RASAL3: variants seen among roughly 807,000 people sequenced by gnomAD.
RASAL3 encodes the protein RAS protein activator like 3, also known as RAS protein activator like-3.
Under a neutral mutation model 105.5 loss-of-function variants are expected in RASAL3, and 74 were observed. The ratio of observed to expected loss-of-function variants is 0.70; its 90% CI spans 0.58 to 0.85. The LOEUF is 0.85. Among genes scored for constraint, RASAL3 ranks in the 40% least tolerant of loss-of-function variants. The pLI is 0.00. For missense variants in RASAL3, 1,352 were observed against 1,392.0 expected (o/e 0.97, Z 0.46); for synonymous variants, 579 against 591.6 (o/e 0.98, Z 0.31).
rs750415640 is a variant in RASAL3, at chr19:15,456,106, G to A, written c.1719C>T (p.Tyr573=). ...GCTGCTGGGGCCCTGATTCTCACTC[G>A]TAGGAATGGATAATGGTTTCGAAGA... ...EEVFETIIHS[Y]DWFPAELGIV... Residue 573 remains tyrosine, a splice_region_variant and synonymous_variant, in exon 11 of 18, where the codon TAC becomes TAT. Coordinates refer to ENST00000343625, the MANE Select transcript of RASAL3 (RefSeq NM_022904.3). This position sits in a 1 kb window ranked among gnomAD's most constrained non-coding sequence, Gnocchi z 4.4. 2 of 1,613,242 alleles carry A rather than the reference G, an allele frequency of 1.2e-6. No individual in the cohort carries two copies. Among genetic ancestry groups the A allele is most frequent in the Non-Finnish European group, 1.7e-6 (2 of 1,179,420 alleles).
chr19:15,452,577 G>GT, intron 16 of RASAL3, 81 bp downstream of exon 16: 10 of 228,058 alleles, frequency 4.4e-5, no homozygotes, highest in East Asian at 7.9e-5. Flanking sequence ...GCGTGGTTTG[G>GT]GGGGGGGGGG....
intron 6 of RASAL3, 118 bp from the exon 7 acceptor site, chr19:15,458,773 C>A (rs1279528922): frequency 7.7e-7 from 1 of 1,302,948 alleles, no homozygotes; most frequent in East Asian, 2.6e-5. Context: ...GTTTCTCCCC[C>A]GTGCCCCCCC....
Position 15,453,104 on chromosome 19 carries a change from T to A in RASAL3, c.2670+3A>T, listed in dbSNP as rs1433649631. Reference sequence around the variant, plus strand: ...CCAGGCGCGGACCTGGGCCTGACCTTACCTTGTTCACAGGTCGGTGCGTGC... The same window carrying A: ...CCAGGCGCGGACCTGGGCCTGACCTAACCTTGTTCACAGGTCGGTGCGTGC... On this transcript the variant is annotated splice_donor_region_variant and intron_variant, in intron 15 of 17. Transcript: ENST00000343625. This position sits in a 1 kb window ranked among gnomAD's most constrained non-coding sequence, Gnocchi z 4.2. 6.2e-7 allele frequency: 1 copy of A among 1,613,430 alleles called. No homozygotes were observed. Among genetic ancestry groups the A allele is most frequent in the Admixed American group, 1.7e-5 (1 of 60,002 alleles).
chr19:15,458,309 C>A lies in RASAL3; in HGVS notation c.888+19G>T, dbSNP rs529715329. The A allele has an allele frequency of 6.2e-7, 1 of 1,609,914 alleles. No homozygotes were observed. Among genetic ancestry groups the A allele is most frequent in the South Asian group, 1.1e-5 (1 of 90,372 alleles). ...CTGTGGGCGGGGTCTCCGTGTCCCG[C>A]TTTTCTGAGGGCAATGACCTGGGTG... On this transcript the variant is annotated intron_variant, in intron 8 of 17. Transcript: ENST00000343625.
chr19:15,458,666 G>T lies in RASAL3; in HGVS notation c.663-11C>A. On this transcript the variant is annotated splice_polypyrimidine_tract_variant and intron_variant, in intron 6 of 17. Coordinates refer to ENST00000343625, the MANE Select transcript of RASAL3 (RefSeq NM_022904.3). ...AGAGCACTGGGGGGTCTGGGAAGGG[G>T]GTGGGTGAGCACACCGTCATTCCTG... 1 of 1,611,492 alleles carries T rather than the reference G, an allele frequency of 6.2e-7. No homozygotes were observed. The highest frequency in any genetic ancestry group is 8.5e-7 in the Non-Finnish European group (1 of 1,179,058).
chr19:15,461,599 G>T lies in RASAL3; in HGVS notation c.337C>A (p.Pro113Thr), dbSNP rs746425424. 5.2e-6 allele frequency: 8 copies of T among 1,530,424 alleles called. No individual in the cohort carries two copies. The African/African-American group carries it at 1.1e-4, about 21-fold the overall frequency. 94.8% of individuals were successfully genotyped at this position (1,530,424 alleles called of 1,614,324 possible). A position where few individuals can be genotyped will look rare whatever the true frequency, so the allele number is the denominator to read the frequency against. ...GTAGGGGGCTCCAGCTCTGGCTCCG[G>T]CTCCAGCTCTGGGAAGAAGAGGAGG... Reference protein sequence around the residue: ...EPEQEAPELEPEPELEPPTPQ... With the variant: ...EPEQEAPELETEPELEPPTPQ... Residue 113 changes from proline (P) to threonine (T), a missense_variant, in exon 3 of 18, where the codon CCG becomes ACG. Physicochemically the swap from Pro to Thr is conservative, Grantham distance 38. This residue lies in a region of RASAL3 where 344 missense variants were observed against 339.6 expected (regional missense o/e 1.01). Transcript: ENST00000343625.
At chr19:15,458,272 G>A in intron 8 of RASAL3, 56 bp downstream of exon 8, 1 of 1,524,000 alleles carries the variant, frequency 6.6e-7, no homozygotes, top group Non-Finnish European at 9.0e-7. Flanking sequence ...GAGTGGAAGG[G>A]GCGGGCCAGG....
chr19:15,452,565 A>G (rs1486625362), intron 16 of RASAL3, 93 bp downstream of exon 16: 2 of 907,312 alleles, frequency 2.2e-6, no homozygotes, highest in East Asian at 7.5e-5. Flanking sequence ...TGGCCGTGCT[A>G]GGCGTGGTTT....
At position 15,454,896 on chromosome 19, in the gene RASAL3, G is replaced by T. The variant is rs780280374; in HGVS notation, c.1722-3C>A. On this transcript the variant is annotated splice_polypyrimidine_tract_variant and splice_region_variant and intron_variant, in intron 11 of 17. Transcript: ENST00000343625. ...TGCCCAGCTCCGCAGGGAACCAGCT[G>T]GTGCAGAAGAGGCAATGAATGGTCA... 1.3e-6 allele frequency: 2 copies of T among 1,545,306 alleles called. No individual in the cohort carries two copies. Among genetic ancestry groups the T allele is most frequent in the South Asian group, 2.4e-5 (2 of 83,766 alleles).
Position 15,451,768 on chromosome 19 carries a change from C to A in RASAL3, c.*27G>T. The stretch of plus-strand genomic sequence containing the variant: ...GATGGCTATCTCTCTGCTCCCAGAC[C>A]ACGTGTGATGAGGCAGGATGGGCAG... On this transcript the variant is annotated 3_prime_UTR_variant, in exon 18 of 18. Coordinates refer to ENST00000343625, the MANE Select transcript of RASAL3 (RefSeq NM_022904.3). 6.4e-7 allele frequency: 1 copy of A among 1,572,606 alleles called. No homozygotes were observed.
chr19:15,460,109 G>T, intron 6 of RASAL3, 94 bp downstream of exon 6: 6 of 1,046,050 alleles, frequency 5.7e-6, no homozygotes, highest in Non-Finnish European at 8.5e-6. Flanking sequence ...AGGCCACAGG[G>T]GGTGTTTGGT....
Position 15,452,784 on chromosome 19 carries a change from A to C in RASAL3, c.2702T>G (p.Leu901Arg). 6.4e-7 allele frequency: 1 copy of C among 1,564,366 alleles called. No individual in the cohort carries two copies. Among genetic ancestry groups the C allele is most frequent in the Non-Finnish European group, 8.7e-7 (1 of 1,153,996 alleles). ...GGACAGCACTTTCTGCTCCTCACGC[A>C]GAGCGGCCACCTCGCACTGCAGCTC... Reference protein sequence around the residue: ...LAELQCEVAALREEQKVLSRL... With the variant: ...LAELQCEVAARREEQKVLSRL... Residue 901 changes from leucine to arginine, a missense_variant, in exon 16 of 18, where the codon CTG (leucine) becomes CGG (arginine). Leu to Arg is a moderately radical substitution (Grantham distance 102). Transcript: ENST00000343625.
Position 15,456,488 on chromosome 19 carries a change from C to G in RASAL3, c.1576+14G>C. 1 of 1,613,296 alleles carries G rather than the reference C, an allele frequency of 6.2e-7. No individual in the cohort carries two copies. On this transcript the variant is annotated intron_variant, in intron 10 of 17. Coordinates refer to ENST00000343625, the MANE Select transcript of RASAL3 (RefSeq NM_022904.3). This position sits in a 1 kb window ranked among gnomAD's most constrained non-coding sequence, Gnocchi z 4.4. ...CACCAGCAGGCCGCTGACATGGACT[C>G]TCCCCCAGCTCACCCAGGGTCTCCT...
Position 15,458,681 on chromosome 19 carries a change from C to G in RASAL3, c.663-26G>C, listed in dbSNP as rs754994747. The stretch of plus-strand genomic sequence containing the variant: ...CTGGGAAGGGGGTGGGTGAGCACAC[C>G]GTCATTCCTGCCTCTTCCCCATCCC... On this transcript the variant is annotated intron_variant, in intron 6 of 17. Coordinates refer to ENST00000343625, the MANE Select transcript of RASAL3 (RefSeq NM_022904.3). 5 of 1,606,342 alleles carry G rather than the reference C, an allele frequency of 3.1e-6. No homozygotes were observed. The East Asian group carries it at 6.7e-5, about 22-fold the overall frequency.
intron 5 of RASAL3, 127 bp from the exon 6 acceptor site, chr19:15,460,385 G>T: frequency 1.2e-6 from 1 of 813,030 alleles, no homozygotes; most frequent in Non-Finnish European, 2.0e-6. Flanking sequence ...GTATTAGCAG[G>T]AATAATAAGA....
Position 15,457,541 on chromosome 19 carries a change from G to A in RASAL3, c.1182C>T (p.Arg394=). 8.8e-7 allele frequency: 1 copy of A among 1,141,914 alleles called. No homozygotes were observed. Among genetic ancestry groups the A allele is most frequent in the Non-Finnish European group, 1.1e-6 (1 of 927,386 alleles). The allele number at this position is 1,141,914 out of a possible 1,614,324, so 70.7% of individuals were successfully genotyped here. The part of the protein sequence containing the change: ...ALALEELDAP[R]APAAGLERWF... ...AGCGCTCCAGACCGGCGGCAGGCGC[G>A]CGTGGGGCGTCCAGCTCCTCCAGCG... The change falls in exon 9 of 18, where the codon CGC becomes CGT. Residue 394 remains arginine, a synonymous_variant. Coordinates refer to ENST00000343625, the MANE Select transcript of RASAL3 (RefSeq NM_022904.3). This position sits in a 1 kb window ranked among gnomAD's most constrained non-coding sequence, Gnocchi z 8.6.
chr19:15,456,373 C>A lies in RASAL3; in HGVS notation c.1577-125G>T. ...AACATCTTGGGGAGCTCCCAATTGT[C>A]CCCAGGATCCTAGCACCCCCAAAAC... On this transcript the variant is annotated intron_variant, in intron 10 of 17. Transcript: ENST00000343625. The surrounding 1 kb of genome is among the most constrained non-coding windows in gnomAD (Gnocchi z 4.4). 1 of 1,521,062 alleles carries A rather than the reference C, an allele frequency of 6.6e-7. No homozygotes were observed. The highest frequency in any genetic ancestry group is 8.9e-7 in the Non-Finnish European group (1 of 1,125,196). 94.2% of individuals were successfully genotyped at this position (1,521,062 alleles called of 1,614,324 possible). A position where few individuals can be genotyped will look rare whatever the true frequency, so the allele number is the denominator to read the frequency against.
Position 15,461,283 on chromosome 19 carries a change from G to T in RASAL3, c.479C>A (p.Pro160His), listed in dbSNP as rs1267984254. The T allele has an allele frequency of 1.2e-6, 2 of 1,613,538 alleles. No individual in the cohort carries two copies. Among genetic ancestry groups the T allele is most frequent in the Admixed American group, 3.3e-5 (2 of 59,978 alleles). Residue 160 changes from proline to histidine, a missense_variant, in exon 4 of 18, where the codon CCC becomes CAC. By Grantham distance (77) the Pro-to-His change is moderately conservative (BLOSUM62 -2). Around this residue, in one of 3 missense-constraint regions of RASAL3, gnomAD observed 344 missense variants for 339.6 expected, o/e 1.01. Transcript: ENST00000343625. ...CTCGGAGCTAGCACTTCCCACCCGG[G>T]GCCTTCGAGGACCCTGTTCTCCCGC... ...LGGEEEGPRR[P>H]RVGSASSEGS...
chr19:15,457,233 C>G lies in RASAL3; in HGVS notation c.1431+59G>C, dbSNP rs1303070664. On this transcript the variant is annotated intron_variant, in intron 9 of 17. Transcript: ENST00000343625. The surrounding 1 kb of genome is among the most constrained non-coding windows in gnomAD (Gnocchi z 8.6). ...CAGGTCCTGCGCCCCAACTCCTGCCCGAAGCGCGTTATCGGTCTACCCCTG... is the reference window on the plus strand; with the variant it reads ...CAGGTCCTGCGCCCCAACTCCTGCCGGAAGCGCGTTATCGGTCTACCCCTG... The G allele has an allele frequency of 8.2e-7, 1 of 1,220,016 alleles. No individual in the cohort carries two copies. Among genetic ancestry groups the G allele is most frequent in the Non-Finnish European group, 1.0e-6 (1 of 972,878 alleles). The allele number at this position is 1,220,016 out of a possible 1,614,324, so 75.6% of individuals were successfully genotyped here.
Sources: gnomAD v4.1 joint callset for allele counts on GRCh38, gnomAD v4.1.1 for gene constraint, gnomAD v4.1.1 regional missense constraint, Gnocchi (gnomAD v3.1) non-coding constraint, MANE v1.5 for transcripts, NCBI Gene and HGNC (gene_info 2026-07-23, HGNC 2026-07-21) for gene names.